The following GPC3 variants were observed in gnomAD, a reference collection of about 807,000 sequenced individuals.
The protein encoded by GPC3 is glypican 3.
In GPC3, 3 loss-of-function variants were observed where a neutral mutation model predicts 34.4. That is an observed-to-expected ratio of 0.09 (90% CI 0.04 to 0.23). The LOEUF (loss-of-function observed/expected upper bound fraction) is 0.23, where lower values mean the gene tolerates loss of function less well. Among genes scored for constraint, GPC3 ranks in the 10% least tolerant of loss-of-function variants. The pLI, the probability that GPC3 is intolerant of heterozygous loss-of-function variation, is 1.00. For synonymous variants in GPC3, 177 were observed against 174.0 expected (o/e 1.02, Z -0.13); for missense variants, 351 against 445.6 (o/e 0.79, Z 1.91).
chrX:133,654,237 A>T (rs1284391861), intron 6 of GPC3, among the ~76,000 whole-genome samples: 2 of 111,212 alleles, frequency 1.8e-5, no homozygotes, highest in African/African-American at 6.5e-5. Context: ...TAAATGTGTG[A>T]TTCCACACTT....
intron 6 of GPC3, among the ~76,000 whole-genome samples, chrX:133,660,865 A>C (rs1273792191): frequency 8.9e-6 from 1 of 111,828 alleles, no homozygotes; most frequent in Non-Finnish European, 1.9e-5. Flanking sequence ...CATGACAAAT[A>C]ATTAATATAA....
chrX:133,612,524 G>A (rs2070122203), intron 6 of GPC3, among the ~76,000 whole-genome samples: 1 of 112,005 alleles, frequency 8.9e-6, no homozygotes, highest in Admixed American at 9.5e-5. Flanking sequence ...ATTGGACAAG[G>A]TTGGTCTTCT....
intron 7 of GPC3, among the ~76,000 whole-genome samples, chrX:133,554,020 C>CTT (rs375065106): frequency 2.1e-5 from 2 of 94,778 alleles, no homozygotes; most frequent in African/African-American, 4.9e-5. Flanking sequence ...CTCTCTCTCT[C>CTT]TTTTTTTTTT....
intron 3 of GPC3, among the ~76,000 whole-genome samples, chrX:133,726,691 G>A (rs903707710): frequency 9.0e-5 from 10 of 110,925 alleles, no homozygotes; most frequent in Non-Finnish European, 1.7e-4. Context: ...CCTGCTTCCA[G>A]GTTCACAAAT....
intron 2 of GPC3, among the ~76,000 whole-genome samples, chrX:133,835,644 T>C (rs1335788956): frequency 8.9e-6 from 1 of 112,225 alleles, no homozygotes; most frequent in Non-Finnish European, 1.9e-5. Flanking sequence ...GCGCATGCTA[T>C]TTTGATAAGT....
At chrX:133,763,406 A>G (rs2071816683) in intron 2 of GPC3, 1 of 539,438 alleles carries the variant, frequency 1.9e-6, no homozygotes, top group Non-Finnish European at 3.4e-6. Context: ...CTCTACTTCT[A>G]CAGAGATCCT....
chrX:133,861,469 G>A (rs2075935862), intron 2 of GPC3, among the ~76,000 whole-genome samples: 1 of 111,360 alleles, frequency 9.0e-6, no homozygotes, highest in South Asian at 3.8e-4. Flanking sequence ...TACGTCTTCT[G>A]TGTTAATTTA....
intron 2 of GPC3, among the ~76,000 whole-genome samples, chrX:133,843,647 C>T (rs963260182): frequency 3.6e-5 from 4 of 111,293 alleles, no homozygotes; most frequent in Non-Finnish European, 7.5e-5. Context: ...TAGCCATTCC[C>T]AAATTCATAA....
At chrX:133,751,020 C>A (rs2071662556) in intron 3 of GPC3, among the ~76,000 whole-genome samples, 1 of 108,314 alleles carries the variant, frequency 9.2e-6, no homozygotes, top group African/African-American at 3.4e-5. Flanking sequence ...TTGCAGTGAG[C>A]CGAGATTACA....
chrX:133,753,983 G>A lies in GPC3; in HGVS notation c.531C>T (p.Val177=), dbSNP rs1603240705. The change falls in exon 3 of 8, where the codon GTC becomes GTT. Residue 177 remains valine (V), a synonymous_variant. Transcript: ENST00000370818. ...CTGGGTTCATTAGCTGGGTATAGAT[G>A]ACTGGAAACAGGCTGTCAAACAATT... ...VNELFDSLFP[V]IYTQLMNPGL... 2 of 1,210,924 alleles carry A rather than the reference G, an allele frequency of 1.7e-6. No individual in the cohort carries two copies. The highest frequency in any genetic ancestry group is 2.2e-6 in the Non-Finnish European group (2 of 894,853).
intron 2 of GPC3, among the ~76,000 whole-genome samples, chrX:133,907,153 C>G (rs1347134591): frequency 9.0e-6 from 1 of 111,021 alleles, no homozygotes; most frequent in African/African-American, 3.3e-5. Context: ...TTAACATACC[C>G]CTGACCTAAA....
chrX:133,852,895 G>C (rs1034796256), intron 2 of GPC3, among the ~76,000 whole-genome samples: 2 of 95,331 alleles, frequency 2.1e-5, no homozygotes, highest in Non-Finnish European at 4.0e-5. Context: ...GTAGGCTAAA[G>C]AACTATCAGG....
chrX:133,547,046 T>A (rs2069393096), intron 7 of GPC3, among the ~76,000 whole-genome samples: 1 of 111,551 alleles, frequency 9.0e-6, no homozygotes, highest in African/African-American at 3.3e-5. Context: ...TGGAGGCCAT[T>A]ATGTTGAGTG....
chrX:133,896,135 G>C (rs776653629), intron 2 of GPC3, among the ~76,000 whole-genome samples: 2 of 111,594 alleles, frequency 1.8e-5, no homozygotes, highest in Non-Finnish European at 3.8e-5. Flanking sequence ...GCCAAGGCAG[G>C]TACATCACCT....
intron 2 of GPC3, among the ~76,000 whole-genome samples, chrX:133,792,395 T>C (rs1044449006): frequency 2.7e-5 from 3 of 111,531 alleles, no homozygotes; most frequent in Non-Finnish European, 5.6e-5. Flanking sequence ...TAAATGGGTA[T>C]AGAATGAGAC....
At position 133,732,201 on chromosome X, in the gene GPC3, A is replaced by G. The variant is rs918794263; in HGVS notation, c.1032+21281T>C. On this transcript the variant is annotated intron_variant, in intron 3 of 7. Coordinates refer to ENST00000370818, the MANE Select transcript of GPC3 (RefSeq NM_004484.4). Reference sequence around the variant, plus strand: ...CCCAGATAAGGATCTATGAAACATGAGATCAGGGACCCAATCACAAAATCT... The same window carrying G: ...CCCAGATAAGGATCTATGAAACATGGGATCAGGGACCCAATCACAAAATCT... Among the ~76,000 whole-genome samples the G allele has an allele frequency of 4.5e-5, 5 of 111,756 alleles. No individual in the cohort carries two copies. The Admixed American group carries it at 4.8e-4, about 11-fold the overall frequency.
intron 5 of GPC3, among the ~76,000 whole-genome samples, chrX:133,680,002 T>G (rs1458425864): frequency 9.0e-6 from 1 of 111,410 alleles, no homozygotes; most frequent in African/African-American, 3.3e-5. Context: ...CAGACAGACA[T>G]GTAAAAGCTC....
At chrX:133,951,419 G>C (rs1420867285) in intron 2 of GPC3, among the ~76,000 whole-genome samples, 4 of 110,710 alleles carry the variant, frequency 3.6e-5, no homozygotes, top group Non-Finnish European at 5.7e-5. Context: ...CCTCCAACCA[G>C]ACAAGGATTG....
At chrX:133,663,433 G>A (rs769749918) in intron 5 of GPC3, among the ~76,000 whole-genome samples, 8 of 111,154 alleles carry the variant, frequency 7.2e-5, no homozygotes, top group East Asian at 2.9e-4. Flanking sequence ...CCAATTTTCC[G>A]TAGAGGCAGG....
Sources: allele counts gnomAD v4.1 joint callset (sites outside exome capture counted in the v4.1 genomes callset), GRCh38; gene constraint gnomAD v4.1.1; transcripts MANE v1.5; gene names NCBI Gene and HGNC (gene_info 2026-07-23, HGNC 2026-07-21).